The following FBXO16 variants were observed in gnomAD, a reference collection of about 807,000 sequenced individuals.
The protein encoded by FBXO16 is F-box protein 16.
A neutral mutation model predicts 41.0 loss-of-function variants in FBXO16; 31 were observed. That is an observed-to-expected ratio of 0.76 (90% confidence interval 0.57 to 1.02). The LOEUF is 1.02. Ranked by LOEUF, FBXO16 falls within the 50% of genes least tolerant of loss-of-function variation. The pLI, the probability that FBXO16 is intolerant of heterozygous loss-of-function variation, is 0.00. For missense variants in FBXO16, 361 were observed against 346.2 expected (o/e 1.04, Z -0.34); for synonymous variants, 133 against 117.8 (o/e 1.13, Z -0.84).
At chr8:28,456,984 A>G (rs113968309) in intron 4 of FBXO16, 54 bp from the exon 5 acceptor site, 4 of 1,561,168 alleles carry the variant, frequency 2.6e-6, no homozygotes, top group Non-Finnish European at 2.6e-6. Context: ...CCTTCAGTTT[A>G]CATGCCCACT....
At chr8:28,428,772 A>C (rs1802565134) in intron 8 of FBXO16, 36 bp from the exon 9 acceptor site, 2 of 1,479,098 alleles carry the variant, frequency 1.4e-6, no homozygotes, top group Admixed American at 2.7e-5. Context: ...AGCGAGGGTT[A>C]TTGAAATACC....
In FBXO16 at chr8:28,486,371, T is replaced by C. The variant is rs576776708; in HGVS notation, c.-16-2909A>G. Among the ~76,000 whole-genome samples, 17 of 151,770 alleles carry C rather than the reference T, an allele frequency of 1.1e-4. No homozygotes were observed. The East Asian group carries it at 3.4e-3, about 30-fold the overall frequency. Reference sequence around the variant, plus strand: ...TCCCTAGTAGCTGAGATTACAGGTATGAGCCACCAGGCCCAGCTAATTTTA... The same window carrying C: ...TCCCTAGTAGCTGAGATTACAGGTACGAGCCACCAGGCCCAGCTAATTTTA... On this transcript the variant is annotated intron_variant, in intron 1 of 8. Transcript: ENST00000380254.
intron 1 of FBXO16, among the ~76,000 whole-genome samples, chr8:28,485,110 G>C (rs560641614): frequency 6.6e-6 from 1 of 152,252 alleles, no homozygotes; most frequent in African/African-American, 2.4e-5. Flanking sequence ...AGATGGCTAA[G>C]GGGACCAGGG....
rs1803186959 is a variant in FBXO16 at position 28,463,793 on chromosome 8, C to T, written c.161G>A (p.Arg54Lys). 1 of 1,613,762 alleles carries T rather than the reference C, an allele frequency of 6.2e-7. No individual in the cohort carries two copies. The highest frequency in any genetic ancestry group is 8.5e-7 in the Non-Finnish European group (1 of 1,179,918). ...CAACAGGCCTGTGAGGATTCTTCTT[C>T]TTTGAGAGTCTGTCCATTTGTCAAA... ...KWFDKWTDSQ[R>K]RRILTGLLER... Residue 54 changes from arginine to lysine, a missense_variant, in exon 4 of 9, where the codon AGA (arginine) becomes AAA (lysine). By Grantham distance (26) the Arg-to-Lys change is conservative. Coordinates refer to ENST00000380254, the MANE Select transcript of FBXO16 (RefSeq NM_172366.4).
chr8:28,430,889 T>C (rs1057348045), intron 7 of FBXO16, among the ~76,000 whole-genome samples: 1 of 152,082 alleles, frequency 6.6e-6, no homozygotes, highest in African/African-American at 2.4e-5. Flanking sequence ...GGAGAATCTC[T>C]TGAACCTGGG....
chr8:28,433,956 A>AT (rs773888558), intron 7 of FBXO16, among the ~76,000 whole-genome samples: 5,069 of 118,212 alleles, frequency 0.043, 259 homozygotes, highest in African/African-American at 0.099. Flanking sequence ...TCACTCCCTG[A>AT]TTTTTTTTTT....
intron 3 of FBXO16, chr8:28,465,335 G>A (rs546378879): frequency 2.3e-6 from 1 of 436,828 alleles, no homozygotes; most frequent in Non-Finnish European, 4.6e-6. Flanking sequence ...GAAGAAAGGA[G>A]AAATAGGCCC....
At chr8:28,458,137 C>T (rs1803066063) in intron 4 of FBXO16, among the ~76,000 whole-genome samples, 1 of 152,136 alleles carries the variant, frequency 6.6e-6, no homozygotes, top group African/African-American at 2.4e-5. Context: ...TTTGAGTGCC[C>T]CCTCACCCCC....
At chr8:28,490,099 A>G (rs1803667045) in intron 1 of FBXO16, 87 bp downstream of exon 1, 1 of 152,230 alleles carries the variant, frequency 6.6e-6, no homozygotes, top group South Asian at 2.1e-4. Flanking sequence ...TGAAATCCCC[A>G]AGAGCACTGA....
chr8:28,486,183 G>C (rs959957627), intron 1 of FBXO16, among the ~76,000 whole-genome samples: 1 of 150,324 alleles, frequency 6.7e-6, no homozygotes, highest in Non-Finnish European at 1.5e-5. Context: ...TGATATATCT[G>C]TTTTTGTTGT....
intron 4 of FBXO16, among the ~76,000 whole-genome samples, chr8:28,460,245 A>ATATATTTTTT (rs1477457728): frequency 1.2e-5 from 1 of 85,484 alleles, no homozygotes; most frequent in African/African-American, 6.3e-5. Context: ...ATATATATAT[A>ATATATTTTTT]TTTTTTTTTT....
chr8:28,436,815 A>T (rs1205068983), intron 7 of FBXO16, among the ~76,000 whole-genome samples: 2 of 152,202 alleles, frequency 1.3e-5, no homozygotes, highest in South Asian at 4.1e-4. Context: ...GCAGTAGTAC[A>T]ATCATAGCTC....
chr8:28,439,047 A>G (rs1386075036), intron 7 of FBXO16, among the ~76,000 whole-genome samples: 4 of 151,236 alleles, frequency 2.6e-5, no homozygotes, highest in African/African-American at 4.9e-5. Flanking sequence ...TTGCAGTGAG[A>G]TGGCCCCACT....
At chr8:28,484,559 A>G (rs1302012647) in intron 1 of FBXO16, among the ~76,000 whole-genome samples, 1 of 152,194 alleles carries the variant, frequency 6.6e-6, no homozygotes, top group Non-Finnish European at 1.5e-5. Context: ...TTGGGCTGAC[A>G]ATAGCTTACT....
Position 28,456,901 on chromosome 8 carries a change from C to G in FBXO16, c.372G>C (p.Glu124Asp). The G allele has an allele frequency of 6.2e-7, 1 of 1,613,852 alleles. No individual in the cohort carries two copies. Among genetic ancestry groups the G allele is most frequent in the Non-Finnish European group, 8.5e-7 (1 of 1,179,904 alleles). ...ATTTCAGCATCCAGAGCTGGTCCAGCTCAGCAAGGTTCTTCCAATGCCAGC... is the reference window on the plus strand; with the variant it reads ...ATTTCAGCATCCAGAGCTGGTCCAGGTCAGCAAGGTTCTTCCAATGCCAGC... ...QVCWHWKNLA[E>D]LDQLWMLKCL... The change falls in exon 5 of 9, where the codon GAG (glutamate) becomes GAC (aspartate). Residue 124 changes from glutamate (E) to aspartate (D), a missense_variant. Coordinates refer to ENST00000380254, the MANE Select transcript of FBXO16 (RefSeq NM_172366.4).
At chr8:28,462,751 T>C (rs1803157945) in intron 4 of FBXO16, among the ~76,000 whole-genome samples, 2 of 152,190 alleles carry the variant, frequency 1.3e-5, no homozygotes, top group Admixed American at 1.3e-4. Flanking sequence ...CAGAATTACT[T>C]GTAAAAGAAA....
chr8:28,460,223 G>GTATATA (rs1408340610), intron 4 of FBXO16, among the ~76,000 whole-genome samples: 1,015 of 89,554 alleles, frequency 0.011, 17 homozygotes, highest in East Asian at 0.031. Context: ...ATATATGTGT[G>GTATATA]TGTATATATA....
At chr8:28,473,729 GATAAC>G (rs1477374811) in intron 3 of FBXO16, 38 bp downstream of exon 3, 3 of 1,530,346 alleles carry the variant, frequency 2.0e-6, no homozygotes, top group Admixed American at 1.8e-5. Context: ...GATGAAAACA[GATAAC>G]ATAACATAAT....
intron 7 of FBXO16, among the ~76,000 whole-genome samples, chr8:28,439,876 C>T (rs1410339846): frequency 6.6e-6 from 1 of 151,126 alleles, no homozygotes; most frequent in Admixed American, 6.6e-5. Flanking sequence ...ATAAATTCTT[C>T]TGTTTTGGTT....
Sources: gnomAD v4.1 joint callset for allele counts (sites outside exome capture counted in the v4.1 genomes callset) on GRCh38, gnomAD v4.1.1 for gene constraint, MANE v1.5 for transcripts, NCBI Gene and HGNC (gene_info 2026-07-23, HGNC 2026-07-21) for gene names.